Variants in ZMYND11 observed in about 807,000 individuals in gnomAD.
The protein encoded by ZMYND11 is zinc finger MYND-type containing 11.
Under a neutral mutation model 84.9 loss-of-function variants are expected in ZMYND11, and 9 were observed. The observed-to-expected ratio is 0.11, with a 90% CI of 0.06 to 0.18. The LOEUF (loss-of-function observed/expected upper bound fraction) is 0.18. Ranked by LOEUF, ZMYND11 falls within the 10% of genes least tolerant of loss-of-function variation. The probability of loss-of-function intolerance (pLI) is 1.00; values close to 1 mark genes in which losing one functional copy is unlikely to be tolerated. For missense variants in ZMYND11, 409 were observed against 761.0 expected, an observed-to-expected ratio of 0.54 and a Z score of 5.44; for synonymous variants, 250 against 244.1, an observed-to-expected ratio of 1.02 and a Z score of -0.23.
intron 1 of ZMYND11, among the ~76,000 whole-genome samples, chr10:175,151 A>G (rs1846316859): frequency 6.6e-6 from 1 of 152,176 alleles, no homozygotes; most frequent in African/African-American, 2.4e-5. Context: ...TAACAAATGT[A>G]TTGCTCTGGT....
intron 2 of ZMYND11, among the ~76,000 whole-genome samples, chr10:180,992 A>AG (rs1847775296): frequency 6.6e-6 from 1 of 152,146 alleles, no homozygotes; most frequent in Admixed American, 6.5e-5. Flanking sequence ...AAAAAAAAAA[A>AG]TCAAAGTACC....
intron 1 of ZMYND11, among the ~76,000 whole-genome samples, chr10:164,414 AAC>A (rs1843550093): frequency 6.6e-6 from 1 of 152,102 alleles, no homozygotes; most frequent in Non-Finnish European, 1.5e-5. Flanking sequence ...AGTGGTTTAA[AAC>A]AGTGATTGTT....
intron 2 of ZMYND11, among the ~76,000 whole-genome samples, chr10:186,642 CAAAAAAAAAAAAAAAAAAAAAAA>C (rs56345833): frequency 8.4e-5 from 8 of 95,146 alleles, no homozygotes; most frequent in Admixed American, 3.7e-4. Context: ...AGGACTCTCT[CAAAAAAAAAAAAAAAAAAAAAAA>C]AAAAAAAAAA....
chr10:155,333 A>G (rs1169162041), intron 1 of ZMYND11, among the ~76,000 whole-genome samples: 1 of 152,188 alleles, frequency 6.6e-6, no homozygotes, highest in African/African-American at 2.4e-5. Context: ...GATAACCCAA[A>G]GGATAATATT....
chr10:154,747 T>C (rs1841298041), intron 1 of ZMYND11: 2 of 152,228 alleles, frequency 1.3e-5, no homozygotes, highest in South Asian at 4.1e-4. Flanking sequence ...TTTTAATAGA[T>C]ATAAAGATGA....
At chr10:200,722 G>A (rs554319914) in intron 2 of ZMYND11, among the ~76,000 whole-genome samples, 24 of 152,300 alleles carry the variant, frequency 1.6e-4, no homozygotes, top group South Asian at 1.2e-3. Context: ...TTCAATAGCA[G>A]TGTGTTGAGG....
rs116591471 is a variant in ZMYND11 at position 136,595 on chromosome 10, A to G, written c.-20+1036A>G. ...AGTAGGTGCCTGGTACCCTGCTGCCATATGAGCTGTGCGTGTGGTACTCCA... is the reference window on the plus strand; with the variant it reads ...AGTAGGTGCCTGGTACCCTGCTGCCGTATGAGCTGTGCGTGTGGTACTCCA... On this transcript the variant is annotated intron_variant, in intron 1 of 14. Coordinates refer to ENST00000381604, the MANE Select transcript of ZMYND11 (RefSeq NM_001370100.5). Among the ~76,000 whole-genome samples, 353 of 152,266 alleles carry G rather than the reference A, an allele frequency of 2.3e-3. 2 individuals carry two copies. Among genetic ancestry groups the G allele is most frequent in the African/African-American group, 7.9e-3 (328 of 41,542 alleles).
At chr10:240,776 G>T in intron 8 of ZMYND11, 117 bp from the exon 9 acceptor site, 1 of 805,272 alleles carries the variant, frequency 1.2e-6, no homozygotes, top group South Asian at 1.9e-5. Flanking sequence ...AAAAGATTAA[G>T]AAACAAAATT....
chr10:172,680 T>C (rs190852295), intron 1 of ZMYND11, among the ~76,000 whole-genome samples: 6 of 152,288 alleles, frequency 3.9e-5, no homozygotes, highest in Non-Finnish European at 8.8e-5. Context: ...CCCACTTTTA[T>C]GTATGGATTC....
intron 3 of ZMYND11, among the ~76,000 whole-genome samples, chr10:211,268 T>C (rs1245232922): frequency 3.9e-5 from 6 of 152,126 alleles, no homozygotes; most frequent in South Asian, 2.1e-4. Context: ...TCTATAGATA[T>C]AGATAGACAT....
intron 1 of ZMYND11, among the ~76,000 whole-genome samples, chr10:165,542 A>G (rs556851647): frequency 5.5e-4 from 83 of 152,220 alleles, no homozygotes; most frequent in African/African-American, 1.9e-3. Context: ...CAGCACACAG[A>G]TACATATACC....
intron 2 of ZMYND11, 91 bp from the exon 3 acceptor site, chr10:209,798 A>G (rs566664076): frequency 9.4e-6 from 12 of 1,278,878 alleles, no homozygotes; most frequent in South Asian, 7.5e-5. Flanking sequence ...ACAAGTCATA[A>G]TGAAAGAAAT....
chr10:189,422 A>C (rs1441386164), intron 2 of ZMYND11, among the ~76,000 whole-genome samples: 1 of 152,242 alleles, frequency 6.6e-6, no homozygotes, highest in Admixed American at 6.5e-5. Flanking sequence ...TTTGGAAATA[A>C]GTTCATTAAA....
chr10:237,641 G>A lies in ZMYND11; in HGVS notation c.573G>A (p.Leu191=). 1 of 1,613,598 alleles carries A rather than the reference G, an allele frequency of 6.2e-7. No individual in the cohort carries two copies. The highest frequency in any genetic ancestry group is 8.5e-7 in the Non-Finnish European group (1 of 1,179,814). Residue 191 remains leucine, a synonymous_variant, in exon 6 of 15, where the codon CTG becomes CTA. Coordinates refer to ENST00000381604, the MANE Select transcript of ZMYND11 (RefSeq NM_001370100.5). ...KDNKHPMYRR[L]VHSAVDVPTI... ...ATAAACACCCGATGTACAGGAGGCT[G>A]GTGCACTCAGCTGTGGACGTTCCCA... is the stretch of plus-strand genomic sequence containing the variant.
At chr10:155,493 G>A (rs782753253) in intron 1 of ZMYND11, among the ~76,000 whole-genome samples, 1 of 151,986 alleles carries the variant, frequency 6.6e-6, no homozygotes, top group Non-Finnish European at 1.5e-5. Context: ...TACCAAAACA[G>A]CAACAACAAT....
chr10:165,978 C>T (rs1843915926), intron 1 of ZMYND11, among the ~76,000 whole-genome samples: 1 of 152,192 alleles, frequency 6.6e-6, no homozygotes, highest in African/African-American at 2.4e-5. Context: ...TGATTTTTGA[C>T]AAGGATGCTA....
intron 2 of ZMYND11, among the ~76,000 whole-genome samples, chr10:207,135 A>C (rs1320649047): frequency 6.6e-6 from 1 of 152,102 alleles, no homozygotes; most frequent in Non-Finnish European, 1.5e-5. Context: ...GATGATTTCC[A>C]ATTTCATCCA....
At chr10:243,462 T>C (rs1039575496) in intron 10 of ZMYND11, among the ~76,000 whole-genome samples, 4 of 152,246 alleles carry the variant, frequency 2.6e-5, no homozygotes, top group Admixed American at 6.5e-5. Context: ...ATTTTTCTTT[T>C]TCATCAACTT....
chr10:188,115 A>C (rs1939245646), intron 2 of ZMYND11, among the ~76,000 whole-genome samples: 1 of 152,206 alleles, frequency 6.6e-6, no homozygotes, highest in Admixed American at 6.5e-5. Flanking sequence ...TAATTTGAAT[A>C]GGTATCATAA....
Sources: gnomAD v4.1 joint callset for allele counts (sites outside exome capture counted in the v4.1 genomes callset) on GRCh38, gnomAD v4.1.1 for gene constraint, MANE v1.5 for transcripts, NCBI Gene and HGNC (gene_info 2026-07-23, HGNC 2026-07-21) for gene names.